Variants in EFHD1 observed in about 807,000 individuals in gnomAD.
EFHD1 encodes EF-hand domain family member D1.
Under a neutral mutation model 17.2 loss-of-function variants are expected in EFHD1, and 10 were observed. The ratio of observed to expected loss-of-function variants is 0.58; its 90% confidence interval spans 0.36 to 0.99. The LOEUF is 0.99. EFHD1 is among the 50% of genes least tolerant of loss of function. The pLI is 0.01. For missense variants in EFHD1, 310 were observed against 327.5 expected (o/e 0.95, Z 0.41); for synonymous variants, 153 against 142.0 (o/e 1.08, Z -0.55).
intron 2 of EFHD1, among the ~76,000 whole-genome samples, chr2:232,669,761 C>T (rs190105059): frequency 1.1e-3 from 162 of 152,154 alleles, no homozygotes; most frequent in African/African-American, 3.8e-3. Flanking sequence ...CCACCACGCC[C>T]GGCTAATCTT....
At chr2:232,650,808 A>G (rs1694637857) in intron 1 of EFHD1, among the ~76,000 whole-genome samples, 1 of 151,772 alleles carries the variant, frequency 6.6e-6, no homozygotes, top group Non-Finnish European at 1.5e-5. Context: ...ACCTCAGGCA[A>G]TCTGCTCGCC....
In EFHD1 at chr2:232,679,688, T is replaced by G. The variant is rs1695239337; in HGVS notation, c.586-1897T>G. On this transcript the variant is annotated intron_variant, in intron 3 of 3. Coordinates refer to ENST00000264059, the MANE Select transcript of EFHD1 (RefSeq NM_025202.4). ...ATGATTGTGCCACTGCACTTCAACCTCAACCTGGGGGATGGAGCAAGACGT... is the reference window on the plus strand; with the variant it reads ...ATGATTGTGCCACTGCACTTCAACCGCAACCTGGGGGATGGAGCAAGACGT... Among the ~76,000 whole-genome samples, 6 of 140,252 alleles carry G rather than the reference T, an allele frequency of 4.3e-5. 1 individual carries two copies. In the South Asian group the frequency reaches 1.4e-3, roughly 32 times the overall value. The allele number at this position is 140,252 out of a possible 152,430, so 92.0% of individuals were successfully genotyped here.
At chr2:232,668,477 C>T (rs1012099516) in intron 2 of EFHD1, among the ~76,000 whole-genome samples, 1 of 152,106 alleles carries the variant, frequency 6.6e-6, no homozygotes, top group South Asian at 2.1e-4. Flanking sequence ...CCTCATGTTT[C>T]CAGTTCATGA....
upstream of EFHD1, among the ~76,000 whole-genome samples, chr2:232,630,729 T>C (rs968851819): frequency 1.3e-5 from 2 of 149,420 alleles, no homozygotes; most frequent in African/African-American, 5.0e-5. Context: ...ATAGGATCAA[T>C]TGAGCCCAGG....
At chr2:232,642,562 C>T (rs143112575) in intron 1 of EFHD1, among the ~76,000 whole-genome samples, 71 of 152,106 alleles carry the variant, frequency 4.7e-4, no homozygotes, top group African/African-American at 1.6e-3. Context: ...TACAGCTCCT[C>T]ACCCCAGAAA....
At chr2:232,675,620 GTGTT>G (rs1217839453) in intron 3 of EFHD1, among the ~76,000 whole-genome samples, 2 of 152,192 alleles carry the variant, frequency 1.3e-5, no homozygotes, top group East Asian at 1.9e-4. Flanking sequence ...GAGCCGTTGA[GTGTT>G]TGAGCAGGGC....
chr2:232,617,014 C>T (rs967541056), intron 1 of EFHD1, among the ~76,000 whole-genome samples: 2 of 152,192 alleles, frequency 1.3e-5, no homozygotes, highest in Admixed American at 6.5e-5. Context: ...GGGCTAGAGA[C>T]AGATAATCTA....
At chr2:232,680,247 C>T (rs1695251772) in intron 3 of EFHD1, among the ~76,000 whole-genome samples, 2 of 151,664 alleles carry the variant, frequency 1.3e-5, no homozygotes, top group South Asian at 4.2e-4. Context: ...TGTACTCCAG[C>T]CTGGACAACA....
intron 3 of EFHD1, among the ~76,000 whole-genome samples, chr2:232,681,349 A>C (rs1240576351): frequency 6.6e-6 from 1 of 152,196 alleles, no homozygotes; most frequent in Non-Finnish European, 1.5e-5. Flanking sequence ...CCAGCAAAAG[A>C]AGCACATGGG....
intron 1 of EFHD1, among the ~76,000 whole-genome samples, chr2:232,642,807 C>T (rs189313798): frequency 3.4e-4 from 51 of 152,094 alleles, no homozygotes; most frequent in Non-Finnish European, 6.0e-4. Context: ...CAGCTGTTCC[C>T]GAGGGTCACC....
intron 2 of EFHD1, among the ~76,000 whole-genome samples, chr2:232,672,003 C>A (rs1386151951): frequency 1.3e-5 from 2 of 151,702 alleles, no homozygotes; most frequent in Non-Finnish European, 2.9e-5. Context: ...TTGCAGTGAG[C>A]CGAGATCATG....
intron 2 of EFHD1, among the ~76,000 whole-genome samples, chr2:232,668,420 G>T (rs902209380): frequency 3.9e-5 from 6 of 152,112 alleles, no homozygotes; most frequent in African/African-American, 1.4e-4. Flanking sequence ...AGACCTGAGG[G>T]TTCAGAGGAA....
chr2:232,627,038 A>C (rs1473647), intron 1 of EFHD1, among the ~76,000 whole-genome samples: 63,545 of 81,880 alleles, frequency 0.78, 24,056 homozygotes, highest in South Asian at 0.8. Flanking sequence ...CTCTCTCTCT[A>C]TATATATATA....
chr2:232,671,356 C>G (rs1379865725), intron 2 of EFHD1, among the ~76,000 whole-genome samples: 1 of 151,938 alleles, frequency 6.6e-6, no homozygotes, highest in Non-Finnish European at 1.5e-5. Flanking sequence ...ATAGGACCAC[C>G]TGAGCCCAGG....
intron 1 of EFHD1, among the ~76,000 whole-genome samples, chr2:232,623,018 C>T (rs1369895915): frequency 6.6e-6 from 1 of 152,002 alleles, no homozygotes. Context: ...AGCATATGGC[C>T]ACTAGAAAAC....
At chr2:232,635,182 T>A (rs28567550) in intron 1 of EFHD1, among the ~76,000 whole-genome samples, 1,532 of 152,300 alleles carry the variant, frequency 0.01, 24 homozygotes, top group African/African-American at 0.035. Context: ...AGAATGCGGC[T>A]GGGGCGAAAA....
chr2:232,634,688 G>A (rs1362242590), intron 1 of EFHD1, among the ~76,000 whole-genome samples: 1 of 152,206 alleles, frequency 6.6e-6, no homozygotes, highest in Non-Finnish European at 1.5e-5. Context: ...CTCACCTGGG[G>A]AGACACTGAG....
At chr2:232,608,923 C>T (rs1040297400) in intron 1 of EFHD1, among the ~76,000 whole-genome samples, 1 of 151,788 alleles carries the variant, frequency 6.6e-6, no homozygotes, top group Non-Finnish European at 1.5e-5. Flanking sequence ...AGCAAGACTC[C>T]ATCTCAAAAA....
intron 1 of EFHD1, among the ~76,000 whole-genome samples, chr2:232,656,086 G>A (rs959176297): frequency 6.6e-6 from 1 of 151,782 alleles, no homozygotes; most frequent in East Asian, 2.0e-4. Flanking sequence ...GATTACAGGC[G>A]TGAGCCACCG....
Sources: allele counts gnomAD v4.1 joint callset (sites outside exome capture counted in the v4.1 genomes callset), GRCh38; gene constraint gnomAD v4.1.1; transcripts MANE v1.5; gene names NCBI Gene and HGNC (gene_info 2026-07-23, HGNC 2026-07-21).